The following TBC1D5 variants were observed in gnomAD, a reference collection of about 807,000 sequenced individuals.
TBC1D5 encodes TBC1 domain family member 5.
A neutral mutation model predicts 100.3 loss-of-function variants in TBC1D5; 75 were observed. The ratio of observed to expected loss-of-function variants is 0.75; its 90% CI spans 0.62 to 0.91. The LOEUF (loss-of-function observed/expected upper bound fraction) is 0.91. TBC1D5 is among the 40% of genes least tolerant of loss of function. The pLI is 0.00. For missense variants in TBC1D5, 910 were observed against 942.4 expected (o/e 0.97, Z 0.45); for synonymous variants, 323 against 325.6 (o/e 0.99, Z 0.09).
chr3:17,200,831 T>C (rs571232707), intron 18 of TBC1D5, among the ~76,000 whole-genome samples: 3 of 152,320 alleles, frequency 2.0e-5, no homozygotes, highest in African/African-American at 7.2e-5. Flanking sequence ...AGTACAAACA[T>C]TCCATACCAA....
intron 10 of TBC1D5, 64 bp downstream of exon 10, chr3:17,376,461 C>G: frequency 6.9e-7 from 1 of 1,455,206 alleles, no homozygotes; most frequent in South Asian, 1.3e-5. Context: ...TTTGAGGTTT[C>G]AAAAACAAAG....
chr3:17,658,138 T>C (rs962636787), intron 1 of TBC1D5, among the ~76,000 whole-genome samples: 1 of 152,194 alleles, frequency 6.6e-6, no homozygotes, highest in African/African-American at 2.4e-5. Flanking sequence ...CATCATCTAG[T>C]TTTGTATAAG....
At chr3:17,513,781 C>G (rs781681733) in intron 2 of TBC1D5, among the ~76,000 whole-genome samples, 37 of 152,150 alleles carry the variant, frequency 2.4e-4, no homozygotes, top group Non-Finnish European at 5.3e-4. Context: ...AAGGATGCAG[C>G]GTGAATAAGT....
chr3:17,663,186 A>T (rs1198876303), intron 1 of TBC1D5: 1 of 152,190 alleles, frequency 6.6e-6, no homozygotes, highest in Non-Finnish European at 1.5e-5. Context: ...ATCAATTAAA[A>T]CTTTATTAGG....
chr3:17,160,842 A>T (rs13078644), exon 22 of TBC1D5: 1 of 1,304,492 alleles, frequency 7.7e-7, no homozygotes, highest in Non-Finnish European at 1.0e-6. Flanking sequence ...GGACCAATGC[A>T]AAATGCATGC....
chr3:17,343,486 TAA>T (rs946012927), intron 13 of TBC1D5, among the ~76,000 whole-genome samples: 5 of 144,442 alleles, frequency 3.5e-5, no homozygotes, highest in African/African-American at 1.3e-4. Flanking sequence ...CCTCATAAAA[TAA>T]GTTAGGGAGG....
intron 2 of TBC1D5, among the ~76,000 whole-genome samples, chr3:17,510,503 T>A (rs1373898710): frequency 1.3e-5 from 2 of 152,040 alleles, no homozygotes; most frequent in Admixed American, 1.3e-4. Context: ...TAGACGGTTG[T>A]CAGTTATTTG....
intron 2 of TBC1D5, among the ~76,000 whole-genome samples, chr3:17,551,921 G>A (rs2096477406): frequency 6.6e-6 from 1 of 152,174 alleles, no homozygotes; most frequent in East Asian, 1.9e-4. Flanking sequence ...ATTCACAGAT[G>A]AAGTTTTTCT....
At chr3:17,661,504 CTTTTTT>C (rs34017083) in intron 1 of TBC1D5, among the ~76,000 whole-genome samples, 2 of 133,398 alleles carry the variant, frequency 1.5e-5, no homozygotes, top group East Asian at 2.4e-4. Flanking sequence ...TCATTAGCAT[CTTTTTT>C]TTTTTTTTTT....
chr3:17,455,022 G>T (rs991578726), intron 3 of TBC1D5, among the ~76,000 whole-genome samples: 1 of 151,412 alleles, frequency 6.6e-6, no homozygotes, highest in South Asian at 2.1e-4. Flanking sequence ...ACTACCCAAA[G>T]CAGTCTGCAG....
At chr3:17,355,676 A>ATTT (rs2091148096) in intron 13 of TBC1D5, among the ~76,000 whole-genome samples, 1 of 152,120 alleles carries the variant, frequency 6.6e-6, no homozygotes, top group Admixed American at 6.6e-5. Flanking sequence ...AAATTTATAC[A>ATTT]TGAAATGAAT....
At chr3:17,383,960 C>A (rs754399417) in exon 9 of TBC1D5, 2 of 1,603,288 alleles carry the variant, frequency 1.2e-6, no homozygotes, top group Non-Finnish European at 1.7e-6. Context: ...CAGAAAAGAA[C>A]ATCTGTAAGA....
At chr3:17,308,831 A>G (rs1002096272) in intron 13 of TBC1D5, among the ~76,000 whole-genome samples, 3 of 152,184 alleles carry the variant, frequency 2.0e-5, no homozygotes, top group Non-Finnish European at 2.9e-5. Context: ...AGTAAACATA[A>G]GCAGCTAATG....
intron 8 of TBC1D5, among the ~76,000 whole-genome samples, chr3:17,401,798 A>G (rs2093657959): frequency 6.6e-6 from 1 of 151,718 alleles, no homozygotes. Context: ...TTTAGTTAAC[A>G]ATATATACTG....
intron 13 of TBC1D5, among the ~76,000 whole-genome samples, chr3:17,311,936 T>C (rs774952480): frequency 3.3e-5 from 5 of 152,108 alleles, no homozygotes; most frequent in African/African-American, 4.8e-5. Context: ...TTTTAAAAGC[T>C]AACAATTTTT....
chr3:17,643,516 G>A (rs1380974268), intron 1 of TBC1D5, among the ~76,000 whole-genome samples: 4 of 151,806 alleles, frequency 2.6e-5, no homozygotes, highest in African/African-American at 7.3e-5. Context: ...CAATTATTAC[G>A]GTGGTGTTTG....
At chr3:17,626,953 G>C (rs2063113111) in intron 1 of TBC1D5, among the ~76,000 whole-genome samples, 1 of 152,160 alleles carries the variant, frequency 6.6e-6, no homozygotes, top group Non-Finnish European at 1.5e-5. Flanking sequence ...AGGTTCCTAA[G>C]CAGGAGATTG....
At chr3:17,622,206 G>C (rs1045665207) in intron 2 of TBC1D5, among the ~76,000 whole-genome samples, 3 of 152,234 alleles carry the variant, frequency 2.0e-5, no homozygotes, top group Non-Finnish European at 4.4e-5. Flanking sequence ...TACACAATTC[G>C]TAACAGGGTT....
intron 17 of TBC1D5, among the ~76,000 whole-genome samples, chr3:17,218,100 A>C (rs546927033): frequency 6.6e-6 from 1 of 152,154 alleles, no homozygotes; most frequent in South Asian, 2.1e-4. Flanking sequence ...AACTATTTGT[A>C]AAAAAGACTA....
Sources: allele counts gnomAD v4.1 joint callset (sites outside exome capture counted in the v4.1 genomes callset), GRCh38; gene constraint gnomAD v4.1.1; transcripts MANE v1.5; gene names NCBI Gene and HGNC (gene_info 2026-07-23, HGNC 2026-07-21).